WNK1: variants seen among roughly 807,000 people sequenced by gnomAD.
The protein encoded by WNK1 is serine/threonine-protein kinase WNK1.
A neutral mutation model predicts 222.8 loss-of-function variants in WNK1; 38 were observed. The ratio of observed to expected loss-of-function variants is 0.17; its 90% CI spans 0.13 to 0.22. WNK1 has a LOEUF of 0.22. Among genes scored for constraint, WNK1 ranks in the 10% least tolerant of loss-of-function variants. The pLI is 1.00. For missense variants in WNK1, 2,348 were observed against 2,918.4 expected (o/e 0.80, Z 4.50); for synonymous variants, 1,090 against 1,092.9 (o/e 1.00, Z 0.05).
intron 4 of WNK1, among the ~76,000 whole-genome samples, chr12:852,282 C>T (rs917028890): frequency 2.0e-5 from 3 of 152,060 alleles, no homozygotes; most frequent in African/African-American, 7.2e-5. Flanking sequence ...TGTCTTATAT[C>T]GGACTCTCAA....
chr12:865,229 C>T lies in WNK1; in HGVS notation c.2139+2959C>T. ...CCAGTACTGTCTGCACCTCTTTCTCCTTCCCTCCTCCGGACTGCCCCGAGG... is the reference window on the plus strand; with the variant it reads ...CCAGTACTGTCTGCACCTCTTTCTCTTTCCCTCCTCCGGACTGCCCCGAGG... On this transcript the variant is annotated intron_variant, in intron 8 of 27. Coordinates refer to ENST00000315939, the MANE Select transcript of WNK1 (RefSeq NM_018979.4). The T allele has an allele frequency of 2.0e-6, 3 of 1,536,112 alleles. No homozygotes were observed. The highest frequency in any genetic ancestry group is 2.6e-6 in the Non-Finnish European group (3 of 1,146,894).
Position 791,225 on chromosome 12 carries a change from C to CCACACACA in WNK1, c.760-22392_760-22385dup, listed in dbSNP as rs141810227. On this transcript the variant is annotated intron_variant, in intron 1 of 27. Transcript: ENST00000315939. ...TAACAGAATTTTACTATTTCTCTCACCACACACACACACACACACACACAC... is the reference window on the plus strand; with the variant it reads ...TAACAGAATTTTACTATTTCTCTCACCACACACACACACACACACACACACACACACAC... 6.5e-3 allele frequency among the ~76,000 whole-genome samples: 939 copies of CCACACACA among 145,260 alleles called. 4 individuals carry two copies. The highest frequency in any genetic ancestry group is 0.01 in the South Asian group (45 of 4,496).
chr12:835,292 T>G (rs564925765), intron 4 of WNK1, among the ~76,000 whole-genome samples: 9 of 152,232 alleles, frequency 5.9e-5, no homozygotes, highest in African/African-American at 2.2e-4. Flanking sequence ...GAGCCTAGAT[T>G]GTGCCATTGC....
chr12:836,477 G>C (rs1364272421), intron 4 of WNK1, among the ~76,000 whole-genome samples: 1 of 152,196 alleles, frequency 6.6e-6, no homozygotes, highest in Non-Finnish European at 1.5e-5. Flanking sequence ...TGATGTTTCA[G>C]AAGGGTTTGA....
chr12:867,387 C>T (rs1376528088), intron 8 of WNK1, among the ~76,000 whole-genome samples: 1 of 152,184 alleles, frequency 6.6e-6, no homozygotes, highest in African/African-American at 2.4e-5. Context: ...AGGCCTCTAA[C>T]ATATCACAGG....
intron 4 of WNK1, among the ~76,000 whole-genome samples, chr12:850,217 T>C (rs1950317891): frequency 6.6e-6 from 1 of 152,246 alleles, no homozygotes; most frequent in Admixed American, 6.5e-5. Context: ...CTCCACATCC[T>C]GTCCAGCACC....
chr12:890,301 A>C (rs1954094435), intron 21 of WNK1, 152 bp from the exon 22 acceptor site: 3 of 836,050 alleles, frequency 3.6e-6, no homozygotes, highest in Non-Finnish European at 5.9e-6. Flanking sequence ...TAAAAGAAAA[A>C]GGAAAGAAGA....
At position 908,844 on chromosome 12, in the gene WNK1, GGGGT is replaced by G; in HGVS notation, c.*60_*63del. On this transcript the variant is annotated 3_prime_UTR_variant, in exon 28 of 28. Transcript: ENST00000315939. ...TGGGGGCAGGAGATGGAATGCTGAG[GGGGT>G]GGGTGGGGGTGGGAAGTAGCCTATA... The G allele has an allele frequency of 1.5e-6, 2 of 1,293,630 alleles. No individual in the cohort carries two copies. The highest frequency in any genetic ancestry group is 2.2e-6 in the Non-Finnish European group (2 of 896,472). The allele number at this position is 1,293,630 out of a possible 1,614,324, so 80.1% of individuals were successfully genotyped here.
chr12:807,136 A>G (rs900394630), intron 1 of WNK1, among the ~76,000 whole-genome samples: 1 of 149,014 alleles, frequency 6.7e-6, no homozygotes. Flanking sequence ...TGGTGTGGGG[A>G]GTGGGTGGGA....
Position 907,934 on chromosome 12 carries a change from G to T in WNK1, c.6731G>T (p.Gly2244Val). The change falls in exon 27 of 28, where the codon GGC (glycine) becomes GTC (valine). Residue 2244 changes from glycine to valine, a missense_variant. Coordinates refer to ENST00000315939, the MANE Select transcript of WNK1 (RefSeq NM_018979.4). ...QPPAMTSSRK[G>V]TFTDDLHKLV... ...CCTGCCATGACGTCCAGCAGGAAGGGCACATTCACAGATGACTTGCACAAG... is the reference window on the plus strand; with the variant it reads ...CCTGCCATGACGTCCAGCAGGAAGGTCACATTCACAGATGACTTGCACAAG... 6.2e-7 allele frequency: 1 copy of T among 1,614,168 alleles called. No homozygotes were observed. Among genetic ancestry groups the T allele is most frequent in the Non-Finnish European group, 8.5e-7 (1 of 1,180,040 alleles).
chr12:849,836 C>T (rs1002907599), intron 4 of WNK1, among the ~76,000 whole-genome samples: 5 of 148,708 alleles, frequency 3.4e-5, no homozygotes, highest in African/African-American at 7.4e-5. Flanking sequence ...TTTGTCCTTG[C>T]GATAGTTTGC....
At chr12:839,104 A>G (rs1364162728) in intron 4 of WNK1, among the ~76,000 whole-genome samples, 1 of 152,228 alleles carries the variant, frequency 6.6e-6, no homozygotes, top group African/African-American at 2.4e-5. Context: ...AAAGCATGTA[A>G]GAGTGGTACC....
chr12:757,470 C>T lies in WNK1; in HGVS notation c.759+3146C>T, dbSNP rs150742324. On this transcript the variant is annotated intron_variant, in intron 1 of 27. Transcript: ENST00000315939. ...CCTCCCAAGTAGCTGGGAGTACAGG[C>T]GCACCCCACCACACCCAGCTAATTA... Among the ~76,000 whole-genome samples the T allele has an allele frequency of 6.6e-5, 10 of 151,846 alleles. No individual in the cohort carries two copies. The East Asian group carries it at 1.9e-3, about 29-fold the overall frequency.
At chr12:766,603 C>G (rs1025661834) in intron 1 of WNK1, among the ~76,000 whole-genome samples, 2 of 151,306 alleles carry the variant, frequency 1.3e-5, no homozygotes, top group Admixed American at 6.6e-5. Flanking sequence ...CTTAGCCTCC[C>G]GAGTAGCTGG....
intron 2 of WNK1, among the ~76,000 whole-genome samples, chr12:818,436 G>A (rs74804066): frequency 0.022 from 3,381 of 152,274 alleles, 50 homozygotes; most frequent in Non-Finnish European, 0.035. Flanking sequence ...TGTAAAACAA[G>A]TGGTTGGACT....
intron 1 of WNK1, among the ~76,000 whole-genome samples, chr12:782,630 G>A (rs1038531759): frequency 2.6e-5 from 4 of 151,904 alleles, no homozygotes; most frequent in African/African-American, 9.7e-5. Context: ...TTGGCCTTCC[G>A]AGCAGCTAGG....
chr12:851,721 C>T (rs914768169), intron 4 of WNK1: 3 of 1,343,594 alleles, frequency 2.2e-6, no homozygotes, highest in Non-Finnish European at 2.9e-6. Context: ...GATTTTTGCT[C>T]AGTATTTGTC....
At chr12:859,585 A>G in intron 6 of WNK1, 121 bp downstream of exon 6, 1 of 682,476 alleles carries the variant, frequency 1.5e-6, no homozygotes. Flanking sequence ...TAAAATTGTG[A>G]TGGCCCTAAA....
At chr12:872,776 CT>C (rs1316981575) in intron 9 of WNK1, among the ~76,000 whole-genome samples, 2 of 152,262 alleles carry the variant, frequency 1.3e-5, no homozygotes, top group East Asian at 3.9e-4. Context: ...GTTTTCGGTT[CT>C]TAATTACAAA....
Sources: allele counts gnomAD v4.1 joint callset (sites outside exome capture counted in the v4.1 genomes callset), GRCh38; gene constraint gnomAD v4.1.1; transcripts MANE v1.5; gene names NCBI Gene and HGNC (gene_info 2026-07-23, HGNC 2026-07-21).